Variants in AFF3 observed in about 807,000 individuals in gnomAD.
AFF3 encodes the protein AF4/FMR2 family member 3.
In AFF3, 32 loss-of-function variants were observed where a neutral mutation model predicts 129.7. The ratio of observed to expected loss-of-function variants is 0.25; its 90% CI spans 0.19 to 0.33. The LOEUF is 0.33. AFF3 is among the 10% of genes least tolerant of loss of function. The pLI is 1.00. For missense variants in AFF3, 1,373 were observed against 1,592.0 expected (o/e 0.86, Z 2.34); for synonymous variants, 644 against 635.4 (o/e 1.01, Z -0.20).
Position 100,008,945 on chromosome 2 carries a change from A to G in AFF3, c.54-13T>C. On this transcript the variant is annotated splice_polypyrimidine_tract_variant and intron_variant, in intron 4 of 24. Coordinates refer to ENST00000672756, the MANE Select transcript of AFF3 (RefSeq NM_001386135.1). Reference sequence around the variant, plus strand: ...TGGTTCATAGACACTGCATCAGGAAAAAGAAGAGAGAACAACCACACACAC... The same window carrying G: ...TGGTTCATAGACACTGCATCAGGAAGAAGAAGAGAGAACAACCACACACAC... 1 of 1,613,304 alleles carries G rather than the reference A, an allele frequency of 6.2e-7. No homozygotes were observed. Among genetic ancestry groups the G allele is most frequent in the African/African-American group, 1.3e-5 (1 of 75,004 alleles).
intron 7 of AFF3, among the ~76,000 whole-genome samples, chr2:99,997,168 A>C (rs1033711356): frequency 2.6e-5 from 4 of 152,174 alleles, no homozygotes; most frequent in African/African-American, 4.8e-5. Context: ...GCCCAGATAC[A>C]GATTTCGTTC....
chr2:99,579,635 G>A (rs546497936), intron 17 of AFF3, among the ~76,000 whole-genome samples: 1 of 152,056 alleles, frequency 6.6e-6, no homozygotes, highest in East Asian at 1.9e-4. Flanking sequence ...CAGGAGAATC[G>A]TTTGAACCTG....
chr2:99,866,382 A>C (rs1013644726), intron 7 of AFF3, among the ~76,000 whole-genome samples: 16 of 152,330 alleles, frequency 1.1e-4, no homozygotes, highest in African/African-American at 3.8e-4. Context: ...AGACCTCATC[A>C]TCAGAAAAAA....
intron 7 of AFF3, among the ~76,000 whole-genome samples, chr2:100,003,279 T>C (rs949409150): frequency 6.6e-6 from 1 of 152,234 alleles, no homozygotes; most frequent in African/African-American, 2.4e-5. Context: ...AATGTTTGAA[T>C]CTGGAATTAC....
intron 11 of AFF3, among the ~76,000 whole-genome samples, chr2:99,725,941 G>T (rs890275334): frequency 6.6e-6 from 1 of 152,126 alleles, no homozygotes; most frequent in African/African-American, 2.4e-5. Context: ...TTACTCAAAA[G>T]AACTGAATTT....
chr2:99,653,665 T>C (rs1685479924), intron 12 of AFF3, among the ~76,000 whole-genome samples: 1 of 152,240 alleles, frequency 6.6e-6, no homozygotes, highest in African/African-American at 2.4e-5. Flanking sequence ...ACAAGCTGAG[T>C]TGGAAGCTTA....
chr2:99,987,086 A>G (rs1022815947), intron 7 of AFF3, among the ~76,000 whole-genome samples: 4 of 152,186 alleles, frequency 2.6e-5, no homozygotes, highest in Admixed American at 6.5e-5. Flanking sequence ...GTGACCATCA[A>G]TGCATGAACC....
intron 13 of AFF3, among the ~76,000 whole-genome samples, chr2:99,616,389 C>T (rs1280759982): frequency 2.0e-5 from 3 of 151,946 alleles, no homozygotes; most frequent in Non-Finnish European, 4.4e-5. Context: ...TACATACCAC[C>T]CCTTTAAAGT....
At chr2:99,893,925 A>G (rs1693751868) in intron 7 of AFF3, among the ~76,000 whole-genome samples, 1 of 152,194 alleles carries the variant, frequency 6.6e-6, no homozygotes, top group Non-Finnish European at 1.5e-5. Context: ...TTGAGGCTCC[A>G]TGTATCTGAA....
At chr2:100,038,205 T>G (rs988668945) in intron 4 of AFF3, among the ~76,000 whole-genome samples, 1 of 152,048 alleles carries the variant, frequency 6.6e-6, no homozygotes, top group South Asian at 2.1e-4. Context: ...TCAGCTGGGC[T>G]GGCACATCTA....
intron 13 of AFF3, among the ~76,000 whole-genome samples, chr2:99,634,958 C>T (rs1391918140): frequency 7.8e-6 from 1 of 127,844 alleles, no homozygotes; most frequent in Non-Finnish European, 1.6e-5. Context: ...GAGCTGGATT[C>T]TGTCATACAC....
chr2:99,935,980 T>C (rs575720199), intron 7 of AFF3, among the ~76,000 whole-genome samples: 51 of 152,264 alleles, frequency 3.3e-4, no homozygotes, highest in Admixed American at 5.9e-4. Flanking sequence ...TTAAGGGAGT[T>C]TCATGATGAA....
chr2:99,890,647 C>T (rs917299109), intron 7 of AFF3, among the ~76,000 whole-genome samples: 4 of 152,170 alleles, frequency 2.6e-5, no homozygotes, highest in Non-Finnish European at 5.9e-5. Context: ...AGGCTGCACA[C>T]TAACTACCCC....
At chr2:99,804,778 G>C (rs907123067) in intron 8 of AFF3, among the ~76,000 whole-genome samples, 1 of 152,148 alleles carries the variant, frequency 6.6e-6, no homozygotes, top group Non-Finnish European at 1.5e-5. Context: ...AATGTCTTTT[G>C]TAGCAATGTG....
At chr2:99,871,681 A>T (rs1691874435) in intron 7 of AFF3, among the ~76,000 whole-genome samples, 1 of 151,956 alleles carries the variant, frequency 6.6e-6, no homozygotes, top group African/African-American at 2.4e-5. Flanking sequence ...AACTTTAAAA[A>T]CTCTGTCACA....
chr2:99,598,909 T>C (rs1031526323), intron 14 of AFF3, among the ~76,000 whole-genome samples: 21 of 152,256 alleles, frequency 1.4e-4, no homozygotes, highest in Non-Finnish European at 8.8e-5. Context: ...TGTATTATCC[T>C]TAGGAAAAGT....
At chr2:99,689,884 C>T (rs1025494718) in intron 11 of AFF3, among the ~76,000 whole-genome samples, 9 of 151,394 alleles carry the variant, frequency 5.9e-5, no homozygotes, top group South Asian at 4.2e-4. Context: ...GTCAGGAGTT[C>T]GAGACCAGCA....
At chr2:100,115,337 C>CA (rs1462334177) in intron 2 of AFF3, among the ~76,000 whole-genome samples, 2 of 152,174 alleles carry the variant, frequency 1.3e-5, no homozygotes, top group Non-Finnish European at 2.9e-5. Context: ...CACTTTGAGG[C>CA]AGGAGTTCCA....
intron 13 of AFF3, among the ~76,000 whole-genome samples, chr2:99,605,241 T>C (rs972002357): frequency 5.9e-5 from 9 of 152,250 alleles, no homozygotes; most frequent in African/African-American, 2.2e-4. Flanking sequence ...AACTATTATT[T>C]GTTTTTAAAA....
Sources: gnomAD v4.1 joint callset for allele counts (sites outside exome capture counted in the v4.1 genomes callset) on GRCh38, gnomAD v4.1.1 for gene constraint, MANE v1.5 for transcripts, NCBI Gene and HGNC (gene_info 2026-07-23, HGNC 2026-07-21) for gene names.